UGT1A3: variants seen among roughly 807,000 people sequenced by gnomAD.
UGT1A3 encodes the protein UDP glucuronosyltransferase family 1 member A3.
Under a neutral mutation model 41.0 loss-of-function variants are expected in UGT1A3, and 31 were observed. The observed-to-expected ratio is 0.76, with a 90% CI of 0.57 to 1.02. The LOEUF (loss-of-function observed/expected upper bound fraction) is 1.02. UGT1A3 is among the 50% of genes least tolerant of loss of function. The pLI, the probability that UGT1A3 is intolerant of heterozygous loss-of-function variation, is 0.00. For synonymous variants in UGT1A3, 262 were observed against 257.6 expected (o/e 1.02, Z -0.17); for missense variants, 737 against 671.0 (o/e 1.10, Z -1.09).
intron 2 of UGT1A3, 76 bp from the exon 3 acceptor site, chr2:233,767,773 C>G: frequency 6.2e-7 from 1 of 1,611,908 alleles, no homozygotes; most frequent in Admixed American, 1.7e-5. Flanking sequence ...CCCCTGTTTT[C>G]TAGTTAGTAT....
intron 1 of UGT1A3, chr2:233,739,100 G>C (rs1263190228): frequency 6.6e-6 from 1 of 152,274 alleles, no homozygotes; most frequent in African/African-American, 2.4e-5. Context: ...TCGATGTGGT[G>C]TTGGGCCTGC....
At chr2:233,731,097 C>T (rs1453448635) in intron 1 of UGT1A3, among the ~76,000 whole-genome samples, 1 of 151,946 alleles carries the variant, frequency 6.6e-6, no homozygotes, top group African/African-American at 2.4e-5. Context: ...ATTTCTGTGC[C>T]TTTTTTATAA....
chr2:233,761,145 A>T, intron 1 of UGT1A3: 4 of 1,614,244 alleles, frequency 2.5e-6, no homozygotes, highest in Non-Finnish European at 3.4e-6. Flanking sequence ...AAAATCCACT[A>T]TCCCAGGTGT....
chr2:233,758,754 A>T (rs888171679), intron 1 of UGT1A3, among the ~76,000 whole-genome samples: 16 of 152,250 alleles, frequency 1.1e-4, no homozygotes, highest in Middle Eastern at 6.8e-3. Flanking sequence ...CTGGCCAGTG[A>T]TGTGTATGGT....
chr2:233,757,057 G>C (rs1201778154), intron 1 of UGT1A3, among the ~76,000 whole-genome samples: 1 of 151,606 alleles, frequency 6.6e-6, no homozygotes, highest in African/African-American at 2.4e-5. Context: ...TTGGGGAACA[G>C]CAAGGGATCC....
rs747184472 is a variant in UGT1A3 at position 233,729,312 on chromosome 2, C to G, written c.186C>G (p.Thr62=). The change falls in exon 1 of 5, where the codon ACC becomes ACG. Residue 62 remains threonine, a synonymous_variant. Transcript: ENST00000482026. ...HARGHQAVVL[T]PEVNMHIKEE... ...GAGGCCACCAGGCAGTGGTCCTCACCCCAGAGGTGAATATGCACATCAAAG... is the reference window on the plus strand; with the variant it reads ...GAGGCCACCAGGCAGTGGTCCTCACGCCAGAGGTGAATATGCACATCAAAG... 2.4e-5 allele frequency: 38 copies of G among 1,614,236 alleles called. No homozygotes were observed. Among genetic ancestry groups the G allele is most frequent in the Admixed American group, 5.0e-5 (3 of 60,026 alleles).
At chr2:233,747,868 C>T (rs1693797482) in intron 1 of UGT1A3, 2 of 1,613,534 alleles carry the variant, frequency 1.2e-6, no homozygotes, top group Non-Finnish European at 1.7e-6. Flanking sequence ...TACCCTCTGG[C>T]CCTGTCCTAC....
chr2:233,770,182 A>T (rs778207496), intron 4 of UGT1A3: 1 of 152,262 alleles, frequency 6.6e-6, no homozygotes, highest in Non-Finnish European at 1.5e-5. Flanking sequence ...CAACTTATTA[A>T]CTAACTTTCA....
chr2:233,748,214 G>A, intron 1 of UGT1A3: 1 of 1,480,602 alleles, frequency 6.8e-7, no homozygotes, highest in Non-Finnish European at 9.1e-7. Flanking sequence ...AGCCTTCAGT[G>A]AGATAAACTG....
At chr2:233,771,760 C>T (rs1700368197) in intron 4 of UGT1A3, 1 of 153,596 alleles carries the variant, frequency 6.5e-6, no homozygotes, top group Non-Finnish European at 1.4e-5. Context: ...CCCTTCCTTC[C>T]TCCGTCCCTC....
At chr2:233,735,104 G>A (rs543014633) in intron 1 of UGT1A3, among the ~76,000 whole-genome samples, 1 of 152,204 alleles carries the variant, frequency 6.6e-6, no homozygotes, top group Non-Finnish European at 1.5e-5. Context: ...GTCTAATATC[G>A]ACAGTGGGAT....
In UGT1A3 at chr2:233,729,818, A is replaced by G; in HGVS notation, c.692A>G (p.Tyr231Cys). The change falls in exon 1 of 5, where the codon TAT becomes TGT. Residue 231 changes from tyrosine (Y) to cysteine (C), a missense_variant. Physicochemically the swap from Tyr to Cys is radical, Grantham distance 194. Coordinates refer to ENST00000482026, the MANE Select transcript of UGT1A3 (RefSeq NM_019093.4). ...ATTTGCCATGCTTTTTCTGCTCCTT[A>G]TGCAAGCCTTGCCTCTGAGCTTTTT... ...SYICHAFSAPYASLASELFQR... is the reference protein window; with the variant it reads ...SYICHAFSAPCASLASELFQR... 6.2e-7 allele frequency: 1 copy of G among 1,613,812 alleles called. No individual in the cohort carries two copies. Among genetic ancestry groups the G allele is most frequent in the Non-Finnish European group, 8.5e-7 (1 of 1,179,850 alleles).
rs1363274885 is a variant in UGT1A3, at chr2:233,729,133, A to C, written c.7A>C (p.Thr3Pro). The C allele has an allele frequency of 6.2e-7, 1 of 1,613,118 alleles. No homozygotes were observed. The highest frequency in any genetic ancestry group is 8.5e-7 in the Non-Finnish European group (1 of 1,179,922). Reference protein sequence around the residue: MATGLQVPLPWLA... With the variant: MAPGLQVPLPWLA... ...GTCCGTGTCTTCTGCTGAGATGGCC[A>C]CAGGACTCCAGGTTCCCCTGCCGTG... Residue 3 changes from threonine to proline, a missense_variant, in exon 1 of 5, where the codon ACA (threonine) becomes CCA (proline). Thr to Pro is a conservative substitution (Grantham distance 38). Transcript: ENST00000482026.
intron 1 of UGT1A3, among the ~76,000 whole-genome samples, chr2:233,765,977 C>T (rs1699015249): frequency 6.6e-6 from 1 of 152,154 alleles, no homozygotes; most frequent in Non-Finnish European, 1.5e-5. Context: ...TGGATGTTTA[C>T]AGCTCCTGAA....
intron 1 of UGT1A3, among the ~76,000 whole-genome samples, chr2:233,737,566 A>G (rs560487651): frequency 6.6e-6 from 1 of 152,226 alleles, no homozygotes; most frequent in South Asian, 2.1e-4. Flanking sequence ...GGATGCACCC[A>G]CTATCCAACC....
chr2:233,756,837 CA>C (rs1471167768), intron 1 of UGT1A3, among the ~76,000 whole-genome samples: 1 of 151,888 alleles, frequency 6.6e-6, no homozygotes, highest in African/African-American at 2.4e-5. Context: ...AATGATTAAC[CA>C]AAGAACATTC....
In UGT1A3 at chr2:233,754,557, G is replaced by A. The variant is rs1055714391; in HGVS notation, c.868-12477G>A. 5.9e-5 allele frequency: 23 copies of A among 390,464 alleles called. No individual in the cohort carries two copies. The Admixed American group carries it at 7.3e-4, about 12-fold the overall frequency. The allele number at this position is 390,464 out of a possible 1,614,324, so 24.2% of individuals were successfully genotyped here. A position where few individuals can be genotyped will look rare whatever the true frequency, so the allele number is the denominator to read the frequency against. On this transcript the variant is annotated intron_variant, in intron 1 of 4. Coordinates refer to ENST00000482026, the MANE Select transcript of UGT1A3 (RefSeq NM_019093.4). ...TGGACTGGAATTACTTGGTGTCAAT[G>A]GGGAGCAACTGCTCTATGCCGTTTA...
Position 233,760,349 on chromosome 2 carries a change from G to C in UGT1A3, c.868-6685G>C. On this transcript the variant is annotated intron_variant, in intron 1 of 4. Coordinates refer to ENST00000482026, the MANE Select transcript of UGT1A3 (RefSeq NM_019093.4). ...CTGGGCCTGCTGCTGTGTGTGCTGG[G>C]CCCAGTGGTGTCCCATGCTGGGAAG... is the stretch of plus-strand genomic sequence containing the variant. 4 of 1,614,050 alleles carry C rather than the reference G, an allele frequency of 2.5e-6. No homozygotes were observed. The Middle Eastern group carries it at 5.0e-4, about 200-fold the overall frequency.
rs1575864217 is a variant in UGT1A3, at chr2:233,771,774, C to G, written c.1308-488C>G. On this transcript the variant is annotated intron_variant, in intron 4 of 4. Transcript: ENST00000482026. ...TCCCTTCCTTCCTCCGTCCCTCTCTCCTTTCCTCTCTCCCTCCCTCCCTCC... is the reference window on the plus strand; with the variant it reads ...TCCCTTCCTTCCTCCGTCCCTCTCTGCTTTCCTCTCTCCCTCCCTCCCTCC... Among the ~76,000 whole-genome samples the G allele has an allele frequency of 2.6e-5, 4 of 152,102 alleles. No individual in the cohort carries two copies. The South Asian group carries it at 8.4e-4, about 32-fold the overall frequency.
Sources: gnomAD v4.1 joint callset for allele counts (sites outside exome capture counted in the v4.1 genomes callset) on GRCh38, gnomAD v4.1.1 for gene constraint, MANE v1.5 for transcripts, NCBI Gene and HGNC (gene_info 2026-07-23, HGNC 2026-07-21) for gene names.